Variants in CITED2 observed in about 807,000 individuals in gnomAD.
CITED2 encodes Cbp/p300 interacting transactivator with ED-rich tail 2, also known as cbp/p300-interacting transactivator 2.
Under a neutral mutation model 11.8 loss-of-function variants are expected in CITED2, and 2 were observed. The observed-to-expected ratio is 0.17, with a 90% CI of 0.07 to 0.54. The LOEUF (loss-of-function observed/expected upper bound fraction) is 0.54, where lower values mean the gene tolerates loss of function less well. Among genes scored for constraint, CITED2 ranks in the 20% least tolerant of loss-of-function variants. The pLI is 0.94. For missense variants in CITED2, 437 were observed against 390.2 expected, an observed-to-expected ratio of 1.12 and a Z score of -1.01; for synonymous variants, 210 against 153.0, an observed-to-expected ratio of 1.37 and a Z score of -2.75.
Position 139,373,607 on chromosome 6 carries a change from C to G in CITED2, c.338G>C (p.Ser113Thr), listed in dbSNP as rs1778306077. The G allele has an allele frequency of 6.2e-6, 10 of 1,614,082 alleles. No homozygotes were observed. The highest frequency in any genetic ancestry group is 8.5e-6 in the Non-Finnish European group (10 of 1,179,962). ...VASQGGSLPA[S>T]MQLQKLNNQY... The stretch of plus-strand genomic sequence containing the variant: ...GTTGTTGAGCTTCTGCAGCTGCATG[C>G]TGGCCGGCAGGGAGCCTCCCTGGCT... Residue 113 changes from serine to threonine, a missense_variant, in exon 2 of 2, where the codon AGC becomes ACC. By Grantham distance (58) the Ser-to-Thr change is moderately conservative. Transcript: ENST00000367651.
rs1197268352 is a variant in CITED2 at position 139,373,300 on chromosome 6, G to A, written c.645C>T (p.Pro215=). The change falls in exon 2 of 2, where the codon CCC becomes CCT. Residue 215 remains proline (P), a synonymous_variant. Transcript: ENST00000367651. ...CGATGAAATCAGTGTCTATGACATTGGGCGGCAGCATTGCAGCGGGGACGT... is the reference window on the plus strand; with the variant it reads ...CGATGAAATCAGTGTCTATGACATTAGGCGGCAGCATTGCAGCGGGGACGT... ...VAHVPAAMLP[P]NVIDTDFIDE... 12 of 1,613,618 alleles carry A rather than the reference G, an allele frequency of 7.4e-6. No individual in the cohort carries two copies. The highest frequency in any genetic ancestry group is 5.0e-5 in the Admixed American group (3 of 59,998).
At position 139,373,643 on chromosome 6, in the gene CITED2, G is replaced by A. The variant is rs878888128; in HGVS notation, c.302C>T (p.Pro101Leu). The A allele has an allele frequency of 3.7e-6, 6 of 1,613,826 alleles. No homozygotes were observed. The South Asian group carries it at 4.4e-5, about 12-fold the overall frequency. Residue 101 changes from proline to leucine, a missense_variant, in exon 2 of 2, where the codon CCC becomes CTC. Physicochemically the swap from Pro to Leu is moderately conservative, Grantham distance 98. Coordinates refer to ENST00000367651, the MANE Select transcript of CITED2 (RefSeq NM_006079.5). ...ARFNNSQFMG[P>L]PVASQGGSLP... is the part of the protein sequence containing the mutation. ...GGAGCCTCCCTGGCTGGCCACCGGGGGACCCATGAACTGGGAGTTGTTAAA... is the reference window on the plus strand; with the variant it reads ...GGAGCCTCCCTGGCTGGCCACCGGGAGACCCATGAACTGGGAGTTGTTAAA...
Position 139,374,489 on chromosome 6 carries a change from AGGGGACCTTCCT to A in CITED2, c.-97_-86del, listed in dbSNP as rs1467564920. The A allele has an allele frequency of 1.8e-5, 5 of 271,636 alleles. No homozygotes were observed. Among genetic ancestry groups the A allele is most frequent in the Non-Finnish European group, 2.8e-5 (4 of 143,202 alleles). 16.8% of individuals were successfully genotyped at this position (271,636 alleles called of 1,614,324 possible). A position where few individuals can be genotyped will look rare whatever the true frequency, so the allele number is the denominator to read the frequency against. On this transcript the variant is annotated 5_prime_UTR_variant, in exon 1 of 2. Coordinates refer to ENST00000367651, the MANE Select transcript of CITED2 (RefSeq NM_006079.5). ...CCAGGACCGGCTCAGCAGCACATAG[AGGGGACCTTCCT>A]GGCGTGCAAAGCGCTTCGCTGTCGC...
Position 139,372,578 on chromosome 6 carries a change from G to GT in CITED2, c.*553dup, listed in dbSNP as rs888454570. ...AGTATGACTTTCCTGATCCAGAACA[G>GT]TTTGGCCCACATCTGTTTAATCTTC... On this transcript the variant is annotated 3_prime_UTR_variant, in exon 2 of 2. Coordinates refer to ENST00000367651, the MANE Select transcript of CITED2 (RefSeq NM_006079.5). The GT allele has an allele frequency of 2.9e-5, 5 of 171,234 alleles. No individual in the cohort carries two copies. Among genetic ancestry groups the GT allele is most frequent in the African/African-American group, 1.2e-4 (5 of 41,804 alleles). The allele number at this position is 171,234 out of a possible 1,614,324, so 10.6% of individuals were successfully genotyped here.
chr6:139,373,330 C>T lies in CITED2; in HGVS notation c.615G>A (p.Val205=), dbSNP rs200479208. The change falls in exon 2 of 2, where the codon GTG becomes GTA. Residue 205 remains valine (V), a synonymous_variant. Coordinates refer to ENST00000367651, the MANE Select transcript of CITED2 (RefSeq NM_006079.5). ...GSGSGNMPAS[V]AHVPAAMLPP... is the part of the protein sequence containing the mutation. Reference sequence around the variant, plus strand: ...GCAGCATTGCAGCGGGGACGTGGGCCACGGAGGCGGGCATGTTGCCGCTGC... The same window carrying T: ...GCAGCATTGCAGCGGGGACGTGGGCTACGGAGGCGGGCATGTTGCCGCTGC... 2.7e-5 allele frequency: 43 copies of T among 1,609,806 alleles called. No individual in the cohort carries two copies. The highest frequency in any genetic ancestry group is 3.4e-5 in the Non-Finnish European group (40 of 1,178,640).
At position 139,372,785 on chromosome 6, in the gene CITED2, CA is replaced by C. The variant is rs1245949908; in HGVS notation, c.*346del. On this transcript the variant is annotated 3_prime_UTR_variant, in exon 2 of 2. Coordinates refer to ENST00000367651, the MANE Select transcript of CITED2 (RefSeq NM_006079.5). ...CATTTGAAACCATCTACAAAATCCACAAGATTAAGCAGTTTGCCAAGATTAA... is the reference window on the plus strand; with the variant it reads ...CATTTGAAACCATCTACAAAATCCACAGATTAAGCAGTTTGCCAAGATTAA... 1 of 298,758 alleles carries C rather than the reference CA, an allele frequency of 3.3e-6. No homozygotes were observed. Among genetic ancestry groups the C allele is most frequent in the Non-Finnish European group, 6.5e-6 (1 of 153,332 alleles). 18.5% of individuals were successfully genotyped at this position (298,758 alleles called of 1,614,324 possible).
chr6:139,373,736 C>T lies in CITED2; in HGVS notation c.209G>A (p.Arg70Lys). Reference sequence around the variant, plus strand: ...CACAGTCCCCGGCCCCATCGCATGCCTGATGCCGCTCGTGGCATTCATGTT... The same window carrying T: ...CACAGTCCCCGGCCCCATCGCATGCTTGATGCCGCTCGTGGCATTCATGTT... ...AGNMNATSGI[R>K]HAMGPGTVNG... is the part of the protein sequence containing the mutation. Residue 70 changes from arginine (R) to lysine (K), a missense_variant, in exon 2 of 2, where the codon AGG (arginine) becomes AAG (lysine). Around this residue, in one of 3 missense-constraint regions of CITED2, gnomAD observed 396 missense variants for 325.2 expected, o/e 1.22. Coordinates refer to ENST00000367651, the MANE Select transcript of CITED2 (RefSeq NM_006079.5). 6.2e-7 allele frequency: 1 copy of T among 1,611,034 alleles called. No individual in the cohort carries two copies. Among genetic ancestry groups the T allele is most frequent in the Non-Finnish European group, 8.5e-7 (1 of 1,179,926 alleles).
Position 139,373,866 on chromosome 6 carries a change from G to C in CITED2, c.79C>G (p.Arg27Gly). ...TNGLHHHPAHRMGMGQFPSPH... is the reference protein window; with the variant it reads ...TNGLHHHPAHGMGMGQFPSPH... ...CTCGGGAACTGCCCCATGCCCATGC[G>C]GTGGGCAGGGTGATGGTGCAGCCCA... The change falls in exon 2 of 2, where the codon CGC becomes GGC. Residue 27 changes from arginine (R) to glycine (G), a missense_variant. Around this residue, in one of 3 missense-constraint regions of CITED2, gnomAD observed 396 missense variants for 325.2 expected, o/e 1.22. Coordinates refer to ENST00000367651, the MANE Select transcript of CITED2 (RefSeq NM_006079.5). The C allele has an allele frequency of 6.2e-7, 1 of 1,602,982 alleles. No individual in the cohort carries two copies. Among genetic ancestry groups the C allele is most frequent in the Non-Finnish European group, 8.5e-7 (1 of 1,179,936 alleles).
chr6:139,373,356 C>CGCT lies in CITED2; in HGVS notation c.586_588dup (p.Ser196dup), dbSNP rs760911477. Reference sequence around the variant, plus strand: ...ACGGAGGCGGGCATGTTGCCGCTGCCGCTGCCGCCGCCGCTGTTGCTGCTG... The same window carrying CGCT: ...ACGGAGGCGGGCATGTTGCCGCTGCCGCTGCTGCCGCCGCCGCTGTTGCTGCTG... On this transcript the variant is annotated inframe_insertion, in exon 2 of 2. Transcript: ENST00000367651. 6 of 1,591,762 alleles carry CGCT rather than the reference C, an allele frequency of 3.8e-6. No individual in the cohort carries two copies. The highest frequency in any genetic ancestry group is 2.7e-5 in the African/African-American group (2 of 73,368).
intron 1 of CITED2, 38 bp downstream of exon 1, chr6:139,374,375 T>G (rs1478596342): frequency 1.9e-6 from 1 of 513,086 alleles, no homozygotes; most frequent in African/African-American, 1.9e-5. Flanking sequence ...AGGACTGGGC[T>G]GGCAAGAGCC....
intron 1 of CITED2, 131 bp downstream of exon 1, chr6:139,374,282 C>T (rs1161517647): frequency 4.4e-5 from 45 of 1,012,586 alleles, no homozygotes; most frequent in African/African-American, 8.1e-5. Flanking sequence ...TTAAATCAGC[C>T]CTCCTCATCC....
rs1583066983 is a variant in CITED2, at chr6:139,373,407, C to T, written c.538G>A (p.Gly180Ser). 1 of 1,557,966 alleles carries T rather than the reference C, an allele frequency of 6.4e-7. No homozygotes were observed. The highest frequency in any genetic ancestry group is 1.2e-5 in the South Asian group (1 of 82,678). Residue 180 changes from glycine (G) to serine (S), a missense_variant, in exon 2 of 2, where the codon GGC becomes AGC. Around this residue, in one of 3 missense-constraint regions of CITED2, gnomAD observed 396 missense variants for 325.2 expected, o/e 1.22. Coordinates refer to ENST00000367651, the MANE Select transcript of CITED2 (RefSeq NM_006079.5). Reference sequence around the variant, plus strand: ...CCCGCGCCGCCGCCCGAGCTGCTGCCAGAGCCGCCGGGGGTGCTGCTGCCG... The same window carrying T: ...CCCGCGCCGCCGCCCGAGCTGCTGCTAGAGCCGCCGGGGGTGCTGCTGCCG... The part of the protein sequence containing the change: ...SGGSSTPGGS[G>S]SSSGGGAGSS...
rs755846060 is a variant in CITED2, at chr6:139,373,517, C to T, written c.428G>A (p.Gly143Asp). 1.2e-6 allele frequency: 2 copies of T among 1,613,370 alleles called. No homozygotes were observed. The highest frequency in any genetic ancestry group is 1.7e-6 in the Non-Finnish European group (2 of 1,179,660). ...HYMPDLHPAA[G>D]HQMNGTNQHF... is the part of the protein sequence containing the mutation. ...CTGGTTTGTCCCGTTCATCTGGTGG[C>T]CTGCAGCAGGGTGCAAATCCGGCAT... is the stretch of plus-strand genomic sequence containing the variant. Residue 143 changes from glycine to aspartate, a missense_variant, in exon 2 of 2, where the codon GGC becomes GAC. Gly to Asp is a moderately conservative substitution (Grantham distance 94). Transcript: ENST00000367651.
Position 139,373,660 on chromosome 6 carries a change from G to C in CITED2, c.285C>G (p.Asn95Lys), listed in dbSNP as rs780838495. ...SALAPAARFN[N>K]SQFMGPPVAS... ...CCACCGGGGGACCCATGAACTGGGAGTTGTTAAACCTGGCCGCGGGGGCCA... is the reference window on the plus strand; with the variant it reads ...CCACCGGGGGACCCATGAACTGGGACTTGTTAAACCTGGCCGCGGGGGCCA... The change falls in exon 2 of 2, where the codon AAC (asparagine) becomes AAG (lysine). Residue 95 changes from asparagine (N) to lysine (K), a missense_variant. This residue lies in a region of CITED2 where 396 missense variants were observed against 325.2 expected (regional missense o/e 1.22). Coordinates refer to ENST00000367651, the MANE Select transcript of CITED2 (RefSeq NM_006079.5). 1 of 1,613,444 alleles carries C rather than the reference G, an allele frequency of 6.2e-7. No homozygotes were observed. The highest frequency in any genetic ancestry group is 8.5e-7 in the Non-Finnish European group (1 of 1,179,798).
rs1457221918 is a variant in CITED2 at position 139,372,599 on chromosome 6, T to G, written c.*533A>C. ...AACAGTTTGGCCCACATCTGTTTAA[T>G]CTTCCAGTTTAGCATATTTTAAAAA... On this transcript the variant is annotated 3_prime_UTR_variant, in exon 2 of 2. Coordinates refer to ENST00000367651, the MANE Select transcript of CITED2 (RefSeq NM_006079.5). 5.6e-6 allele frequency: 1 copy of G among 178,358 alleles called. No individual in the cohort carries two copies. The highest frequency in any genetic ancestry group is 2.4e-5 in the African/African-American group (1 of 42,030). 11.0% of individuals were successfully genotyped at this position (178,358 alleles called of 1,614,324 possible).
chr6:139,374,238 A>T (rs936859485), intron 1 of CITED2, 175 bp downstream of exon 1: 2 of 1,402,518 alleles, frequency 1.4e-6, no homozygotes, highest in Admixed American at 2.9e-5. Context: ...CTAATAAAGG[A>T]AGTGCCCCGT....
intron 1 of CITED2, 54 bp downstream of exon 1, chr6:139,374,359 C>T (rs1778333803): frequency 1.8e-6 from 1 of 561,274 alleles, no homozygotes; most frequent in South Asian, 3.2e-5. Context: ...CAAACCCTGC[C>T]CTCGGAGGAC....
rs371401513 is a variant in CITED2, at chr6:139,374,618, G to T, written c.-214C>A. 21 of 161,072 alleles carry T rather than the reference G, an allele frequency of 1.3e-4. No homozygotes were observed. The South Asian group carries it at 4.0e-3, about 31-fold the overall frequency. The allele number at this position is 161,072 out of a possible 1,614,324, so 10.0% of individuals were successfully genotyped here. A position where few individuals can be genotyped will look rare whatever the true frequency, so the allele number is the denominator to read the frequency against. Reference sequence around the variant, plus strand: ...CTCCGTTGCCCTCACAGCTCGGCAGGACCGCCCGGCAGCTGCCAACAATGA... The same window carrying T: ...CTCCGTTGCCCTCACAGCTCGGCAGTACCGCCCGGCAGCTGCCAACAATGA... On this transcript the variant is annotated 5_prime_UTR_variant, in exon 1 of 2. Transcript: ENST00000367651.
rs1280397700 is a variant in CITED2, at chr6:139,373,086, C to T, written c.*46G>A. 3.2e-6 allele frequency: 5 copies of T among 1,546,202 alleles called. No individual in the cohort carries two copies. Among genetic ancestry groups the T allele is most frequent in the Non-Finnish European group, 2.7e-6 (3 of 1,118,770 alleles). On this transcript the variant is annotated 3_prime_UTR_variant, in exon 2 of 2. Transcript: ENST00000367651. ...AGGGAATGTTTCTTTTAATTCACGC[C>T]GAAGAAGTTGGGGGTTTGATTTCTT...
Sources: gnomAD v4.1 joint callset for allele counts on GRCh38, gnomAD v4.1.1 for gene constraint, gnomAD v4.1.1 regional missense constraint, MANE v1.5 for transcripts, NCBI Gene and HGNC (gene_info 2026-07-23, HGNC 2026-07-21) for gene names.